The following H2BC3 variants were observed in gnomAD, a reference collection of about 807,000 sequenced individuals.
The protein encoded by H2BC3 is H2B clustered histone 3.
A neutral mutation model predicts 6.0 loss-of-function variants in H2BC3; 8 were observed. The observed-to-expected ratio is 1.33, with a 90% CI of 0.78 to 2.40. H2BC3 has a LOEUF of 2.40. H2BC3 is among the 30% of genes most tolerant of loss of function. The probability of loss-of-function intolerance (pLI) is 0.00; values close to 1 mark genes in which losing one functional copy is unlikely to be tolerated. For synonymous variants in H2BC3, 122 were observed against 66.2 expected (o/e 1.84, Z -4.09); for missense variants, 222 against 163.2 (o/e 1.36, Z -1.96).
rs774770463 is a variant in H2BC3, at chr6:26,043,498, C to T, written c.160G>A (p.Gly54Ser). ...KVLKQVHPDT[G>S]ISSKAMGIMN... ...ATCCCCATGGCCTTGGATGAGATGC[C>T]GGTGTCGGGGTGGACCTGCTTCAGA... The change falls in exon 1 of 1, where the codon GGC becomes AGC. Residue 54 changes from glycine to serine, a missense_variant. Transcript: ENST00000615966. 6.2e-7 allele frequency: 1 copy of T among 1,614,068 alleles called. No individual in the cohort carries two copies. The highest frequency in any genetic ancestry group is 1.3e-5 in the African/African-American group (1 of 74,928).
rs1354166913 is a variant in H2BC3 at position 26,043,481 on chromosome 6, G to A, written c.177C>T (p.Ala59=). The stretch of plus-strand genomic sequence containing the variant: ...TGACGAAGGAATTCATGATCCCCAT[G>A]GCCTTGGATGAGATGCCGGTGTCGG... ...VHPDTGISSK[A]MGIMNSFVND... Residue 59 remains alanine, a synonymous_variant, in exon 1 of 1, where the codon GCC becomes GCT. Coordinates refer to ENST00000615966, the MANE Select transcript of H2BC3 (RefSeq NM_021062.3). 3.1e-6 allele frequency: 5 copies of A among 1,614,166 alleles called. No homozygotes were observed. The South Asian group carries it at 4.4e-5, about 14-fold the overall frequency.
Position 26,043,499 on chromosome 6 carries a change from G to A in H2BC3, c.159C>T (p.Thr53=), listed in dbSNP as rs762446793. ...YKVLKQVHPD[T]GISSKAMGIM... is the part of the protein sequence containing the mutation. The stretch of plus-strand genomic sequence containing the variant: ...TCCCCATGGCCTTGGATGAGATGCC[G>A]GTGTCGGGGTGGACCTGCTTCAGAA... Residue 53 remains threonine (T), a synonymous_variant, in exon 1 of 1, where the codon ACC becomes ACT. Transcript: ENST00000615966. 3 of 1,614,060 alleles carry A rather than the reference G, an allele frequency of 1.9e-6. No individual in the cohort carries two copies. Among genetic ancestry groups the A allele is most frequent in the Non-Finnish European group, 2.5e-6 (3 of 1,180,038 alleles).
rs1302716211 is a variant in H2BC3, at chr6:26,043,602, A to G, written c.56T>C (p.Ile19Thr). The change falls in exon 1 of 1, where the codon ATC (isoleucine) becomes ACC (threonine). Residue 19 changes from isoleucine to threonine, a missense_variant. By Grantham distance (89) the Ile-to-Thr change is moderately conservative (BLOSUM62 -1). Transcript: ENST00000615966. ...ACCATCCTTCTTCTGCGCCTTAGTG[A>G]TAGCCTTCTTAGAACCCTTTTTAGG... ...PAPKKGSKKA[I>T]TKAQKKDGKK... The G allele has an allele frequency of 8.7e-6, 14 of 1,613,832 alleles. No homozygotes were observed. The highest frequency in any genetic ancestry group is 1.2e-5 in the Non-Finnish European group (14 of 1,179,876).
rs759780461 is a variant in H2BC3 at position 26,043,593 on chromosome 6, G to A, written c.65C>T (p.Ala22Val). 3.1e-6 allele frequency: 5 copies of A among 1,614,028 alleles called. No homozygotes were observed. Among genetic ancestry groups the A allele is most frequent in the Admixed American group, 1.7e-5 (1 of 60,000 alleles). ...KKGSKKAITK[A>V]QKKDGKKRKR... ...ACGCTTCTTACCATCCTTCTTCTGC[G>A]CCTTAGTGATAGCCTTCTTAGAACC... Residue 22 changes from alanine to valine, a missense_variant, in exon 1 of 1, where the codon GCG (alanine) becomes GTG (valine). By Grantham distance (64) the Ala-to-Val change is moderately conservative. Coordinates refer to ENST00000615966, the MANE Select transcript of H2BC3 (RefSeq NM_021062.3).
chr6:26,043,713 C>G lies in H2BC3; in HGVS notation c.-56G>C, dbSNP rs1761680141. ...TAACACTCTCCACTACAGAGTAGTACAGAGAACAGTTCAGAGCCCATGTAT... is the reference window on the plus strand; with the variant it reads ...TAACACTCTCCACTACAGAGTAGTAGAGAGAACAGTTCAGAGCCCATGTAT... On this transcript the variant is annotated 5_prime_UTR_variant, in exon 1 of 1. Coordinates refer to ENST00000615966, the MANE Select transcript of H2BC3 (RefSeq NM_021062.3). 1.3e-6 allele frequency: 2 copies of G among 1,493,418 alleles called. No homozygotes were observed. Among genetic ancestry groups the G allele is most frequent in the East Asian group, 2.3e-5 (1 of 44,028 alleles). 92.5% of individuals were successfully genotyped at this position (1,493,418 alleles called of 1,614,324 possible). A position where few individuals can be genotyped will look rare whatever the true frequency, so the allele number is the denominator to read the frequency against.
rs371643209 is a variant in H2BC3, at chr6:26,043,704, A to G, written c.-47T>C. 288 of 1,513,350 alleles carry G rather than the reference A, an allele frequency of 1.9e-4. No homozygotes were observed. Among genetic ancestry groups the G allele is most frequent in the Middle Eastern group, 1.8e-3 (10 of 5,568 alleles). 93.7% of individuals were successfully genotyped at this position (1,513,350 alleles called of 1,614,324 possible). A position where few individuals can be genotyped will look rare whatever the true frequency, so the allele number is the denominator to read the frequency against. ...AAAAGCTACTAACACTCTCCACTAC[A>G]GAGTAGTACAGAGAACAGTTCAGAG... On this transcript the variant is annotated 5_prime_UTR_variant, in exon 1 of 1. Coordinates refer to ENST00000615966, the MANE Select transcript of H2BC3 (RefSeq NM_021062.3).
In H2BC3 at chr6:26,043,660, C is replaced by G. The variant is rs749291945; in HGVS notation, c.-3G>C. On this transcript the variant is annotated 5_prime_UTR_variant, in exon 1 of 1. Transcript: ENST00000615966. The stretch of plus-strand genomic sequence containing the variant: ...GCAGACTTAGAGGGTTCAGGCATTG[C>G]TATTCCTAAACAGAATAGAAAAGCT... The G allele has an allele frequency of 3.8e-6, 6 of 1,585,274 alleles. No individual in the cohort carries two copies. The highest frequency in any genetic ancestry group is 1.4e-5 in the African/African-American group (1 of 73,586).
rs764661719 is a variant in H2BC3 at position 26,043,599 on chromosome 6, G to C, written c.59C>G (p.Thr20Ser). The change falls in exon 1 of 1, where the codon ACT (threonine) becomes AGT (serine). Residue 20 changes from threonine (T) to serine (S), a missense_variant. Transcript: ENST00000615966. ...CTTACCATCCTTCTTCTGCGCCTTA[G>C]TGATAGCCTTCTTAGAACCCTTTTT... ...APKKGSKKAI[T>S]KAQKKDGKKR... 2 of 1,613,878 alleles carry C rather than the reference G, an allele frequency of 1.2e-6. No homozygotes were observed. The highest frequency in any genetic ancestry group is 1.3e-5 in the African/African-American group (1 of 74,912).
At position 26,043,252 on chromosome 6, in the gene H2BC3, G is replaced by A. The variant is rs1358062249; in HGVS notation, c.*25C>T. On this transcript the variant is annotated 3_prime_UTR_variant, in exon 1 of 1. Transcript: ENST00000615966. ...TAGGTGGCTCTGAAAAGAGCCTTTG[G>A]GTTTGGAAGTGCTTACATAAGCACT... The A allele has an allele frequency of 2.6e-6, 4 of 1,549,214 alleles. No homozygotes were observed. Among genetic ancestry groups the A allele is most frequent in the Non-Finnish European group, 3.5e-6 (4 of 1,150,260 alleles).
In H2BC3 at chr6:26,043,291, T is replaced by G; in HGVS notation, c.367A>C (p.Thr123Pro). 1 of 1,606,510 alleles carries G rather than the reference T, an allele frequency of 6.2e-7. No individual in the cohort carries two copies. Among genetic ancestry groups the G allele is most frequent in the Non-Finnish European group, 8.5e-7 (1 of 1,176,630 alleles). The change falls in exon 1 of 1, where the codon ACT becomes CCT. Residue 123 changes from threonine (T) to proline (P), a missense_variant. By Grantham distance (38) the Thr-to-Pro change is conservative. Transcript: ENST00000615966. ...TACATAAGCACTTATTTAGAGCTAG[T>G]GTACTTGGTAACTGCCTTAGTGCCC... The part of the protein sequence containing the change: ...SEGTKAVTKY[T>P]SSK
At position 26,043,710 on chromosome 6, in the gene H2BC3, G is replaced by C. The variant is rs999066193; in HGVS notation, c.-53C>G. 32 of 1,507,598 alleles carry C rather than the reference G, an allele frequency of 2.1e-5. 1 individual carries two copies. Among genetic ancestry groups the C allele is most frequent in the South Asian group, 6.6e-5 (5 of 75,410 alleles). 93.4% of individuals were successfully genotyped at this position (1,507,598 alleles called of 1,614,324 possible). A position where few individuals can be genotyped will look rare whatever the true frequency, so the allele number is the denominator to read the frequency against. The stretch of plus-strand genomic sequence containing the variant: ...TACTAACACTCTCCACTACAGAGTA[G>C]TACAGAGAACAGTTCAGAGCCCATG... On this transcript the variant is annotated 5_prime_UTR_variant, in exon 1 of 1. Coordinates refer to ENST00000615966, the MANE Select transcript of H2BC3 (RefSeq NM_021062.3).
In H2BC3 at chr6:26,043,309, T is replaced by A; in HGVS notation, c.349A>T (p.Lys117Ter). The change falls in exon 1 of 1, where the codon AAG becomes TAG. Residue 117 changes from lysine (K) to a stop codon, truncating the protein, a stop_gained. Coordinates refer to ENST00000615966, the MANE Select transcript of H2BC3 (RefSeq NM_021062.3). LOFTEE classifies it high-confidence loss of function. ...GAGCTAGTGTACTTGGTAACTGCCT[T>A]AGTGCCCTCGGACACAGCATGCTTA... ...LAKHAVSEGT[K>*]AVTKYTSSK 6.2e-7 allele frequency: 1 copy of A among 1,612,610 alleles called. No individual in the cohort carries two copies. Among genetic ancestry groups the A allele is most frequent in the Non-Finnish European group, 8.5e-7 (1 of 1,179,396 alleles).
rs967821869 is a variant in H2BC3 at position 26,043,295 on chromosome 6, C to T, written c.363G>A (p.Lys121=). ...TAAGCACTTATTTAGAGCTAGTGTA[C>T]TTGGTAACTGCCTTAGTGCCCTCGG... ...AVSEGTKAVT[K]YTSSK The change falls in exon 1 of 1, where the codon AAG becomes AAA. Residue 121 remains lysine, a synonymous_variant. Coordinates refer to ENST00000615966, the MANE Select transcript of H2BC3 (RefSeq NM_021062.3). The T allele has an allele frequency of 3.1e-6, 5 of 1,608,384 alleles. No individual in the cohort carries two copies. Among genetic ancestry groups the T allele is most frequent in the Admixed American group, 3.4e-5 (2 of 58,858 alleles).
chr6:26,043,635 G>T lies in H2BC3; in HGVS notation c.23C>A (p.Ala8Asp). Residue 8 changes from alanine (A) to aspartate (D), a missense_variant, in exon 1 of 1, where the codon GCT (alanine) becomes GAT (aspartate). Transcript: ENST00000615966. MPEPSKS[A>D]PAPKKGSKKA... ...CTTAGAACCCTTTTTAGGGGCTGGA[G>T]CAGACTTAGAGGGTTCAGGCATTGC... The T allele has an allele frequency of 6.2e-7, 1 of 1,609,416 alleles. No homozygotes were observed.
At position 26,043,464 on chromosome 6, in the gene H2BC3, GA is replaced by G; in HGVS notation, c.193del (p.Ser65ProfsTer?). On this transcript the variant is annotated frameshift_variant, in exon 1 of 1. Transcript: ENST00000615966. LOFTEE classifies it high-confidence loss of function. The stretch of plus-strand genomic sequence containing the variant: ...GCGCTCGAAGATGTCGTTGACGAAG[GA>G]ATTCATGATCCCCATGGCCTTGGAT... ...ISSKAMGIMN[S>X]FVNDIFERIA... 2 of 1,614,204 alleles carry G rather than the reference GA, an allele frequency of 1.2e-6. No homozygotes were observed. Among genetic ancestry groups the G allele is most frequent in the East Asian group, 4.5e-5 (2 of 44,856 alleles).
Sources: gnomAD v4.1 joint callset for allele counts on GRCh38, gnomAD v4.1.1 for gene constraint, MANE v1.5 for transcripts, NCBI Gene and HGNC (gene_info 2026-07-23, HGNC 2026-07-21) for gene names.